The following BTN3A1 variants were observed in gnomAD, a reference collection of about 807,000 sequenced individuals.
BTN3A1 encodes the protein butyrophilin subfamily 3 member A1.
In BTN3A1, 24 loss-of-function variants were observed where a neutral mutation model predicts 43.0. The ratio of observed to expected loss-of-function variants is 0.56; its 90% CI spans 0.40 to 0.78. The LOEUF is 0.78. BTN3A1 is among the 30% of genes least tolerant of loss of function. The pLI is 0.00. For synonymous variants in BTN3A1, 181 were observed against 234.7 expected, an observed-to-expected ratio of 0.77 and a Z score of 2.09; for missense variants, 533 against 626.2, an observed-to-expected ratio of 0.85 and a Z score of 1.59.
Position 26,413,581 on chromosome 6 carries a change from G to A in BTN3A1, c.1431G>A (p.Val477=). ...GAGATATCTCATTCTACAATGCTGT[G>A]GATGGATCGCATATTCATACTTTCC... ...ETGDISFYNA[V]DGSHIHTFLD... Residue 477 remains valine (V), a synonymous_variant, in exon 10 of 10, where the codon GTG becomes GTA. Coordinates refer to ENST00000289361, the MANE Select transcript of BTN3A1 (RefSeq NM_007048.6). 7 of 1,614,150 alleles carry A rather than the reference G, an allele frequency of 4.3e-6. No individual in the cohort carries two copies. The highest frequency in any genetic ancestry group is 5.9e-6 in the Non-Finnish European group (7 of 1,180,038).
rs187033952 is a variant in BTN3A1, at chr6:26,413,486, G to A, written c.1336G>A (p.Glu446Lys). The part of the protein sequence containing the change: ...TDGNKYRTLT[E>K]PRTNLKLPKP... ...TGGGAATAAGTATCGGACTCTAACT[G>A]AGCCCAGAACCAACCTGAAACTTCC... Residue 446 changes from glutamate (E) to lysine (K), a missense_variant, in exon 10 of 10, where the codon GAG (glutamate) becomes AAG (lysine). By Grantham distance (56) the Glu-to-Lys change is moderately conservative. This residue lies in a region of BTN3A1 where 415 missense variants were observed against 427.0 expected (regional missense o/e 0.97). Transcript: ENST00000289361. The A allele has an allele frequency of 1.5e-5, 25 of 1,614,102 alleles. No homozygotes were observed. The African/African-American group carries it at 2.9e-4, about 19-fold the overall frequency.
chr6:26,412,493 C>T, intron 9 of BTN3A1: 2 of 1,547,732 alleles, frequency 1.3e-6, no homozygotes, highest in Non-Finnish European at 1.7e-6. Flanking sequence ...GCCCAGAGGA[C>T]AGATTCCTGG....
At chr6:26,408,180 T>C (rs1301602408) in intron 4 of BTN3A1, among the ~76,000 whole-genome samples, 1 of 152,102 alleles carries the variant, frequency 6.6e-6, no homozygotes, top group Non-Finnish European at 1.5e-5. Flanking sequence ...TAACAGTAAT[T>C]GGAATTAGGG....
intron 3 of BTN3A1, 148 bp from the exon 4 acceptor site, chr6:26,407,523 G>T: frequency 4.0e-6 from 4 of 988,600 alleles, no homozygotes; most frequent in Non-Finnish European, 5.9e-6. Context: ...CATTCATGTA[G>T]CTTTCTCCTC....
intron 1 of BTN3A1, 83 bp from the exon 2 acceptor site, chr6:26,405,289 G>T (rs1427115284): frequency 3.9e-6 from 2 of 509,692 alleles, no homozygotes; most frequent in Non-Finnish European, 7.1e-6. Flanking sequence ...GAAGTCATAG[G>T]ATTCTGAATA....
At chr6:26,408,796 C>A (rs1386690844) in intron 4 of BTN3A1, among the ~76,000 whole-genome samples, 1 of 152,192 alleles carries the variant, frequency 6.6e-6, no homozygotes, top group Admixed American at 6.5e-5. Context: ...AGAGATAATT[C>A]TCTCTATAGT....
At chr6:26,409,361 A>C (rs1762126075) in intron 4 of BTN3A1, among the ~76,000 whole-genome samples, 172 bp from the exon 5 acceptor site, 1 of 152,204 alleles carries the variant, frequency 6.6e-6, no homozygotes, top group South Asian at 2.1e-4. Context: ...GTGGGGGTTT[A>C]TCAAAGTCTT....
chr6:26,408,996 CCTT>C (rs1388943115), intron 4 of BTN3A1, among the ~76,000 whole-genome samples: 3 of 152,066 alleles, frequency 2.0e-5, no homozygotes, highest in African/African-American at 7.2e-5. Flanking sequence ...TTAATTTAAT[CCTT>C]CTAACTTCAG....
Position 26,413,696 on chromosome 6 carries a change from G to C in BTN3A1, c.*4G>C. 1 of 1,611,720 alleles carries C rather than the reference G, an allele frequency of 6.2e-7. No homozygotes were observed. The highest frequency in any genetic ancestry group is 8.5e-7 in the Non-Finnish European group (1 of 1,179,424). Reference sequence around the variant, plus strand: ...CCTGACTATTTGTCCAGCGTGAAAAGAAGAAGAGAGTTCCTCCAATTCTGA... The same window carrying C: ...CCTGACTATTTGTCCAGCGTGAAAACAAGAAGAGAGTTCCTCCAATTCTGA... On this transcript the variant is annotated 3_prime_UTR_variant, in exon 10 of 10. Coordinates refer to ENST00000289361, the MANE Select transcript of BTN3A1 (RefSeq NM_007048.6).
At chr6:26,404,013 TGTG>T (rs1457118596) in intron 1 of BTN3A1, 3 of 152,130 alleles carry the variant, frequency 2.0e-5, no homozygotes, top group Non-Finnish European at 4.4e-5. Context: ...GAGCAAAAGA[TGTG>T]GTGAAATGCA....
chr6:26,409,717 A>G lies in BTN3A1; in HGVS notation c.900A>G (p.Gln300=). ...AAATGGCATGGAGCACAATGAAGCA[A>G]GAACAAAGCACAAGAGGTAGCTGAC... The part of the protein sequence containing the change: ...LREMAWSTMK[Q]EQSTRVKLLE... Residue 300 remains glutamine, a synonymous_variant, in exon 5 of 10, where the codon CAA becomes CAG. Coordinates refer to ENST00000289361, the MANE Select transcript of BTN3A1 (RefSeq NM_007048.6). 1.3e-6 allele frequency: 2 copies of G among 1,574,000 alleles called. No individual in the cohort carries two copies. Among genetic ancestry groups the G allele is most frequent in the Non-Finnish European group, 1.7e-6 (2 of 1,163,980 alleles).
In BTN3A1 at chr6:26,414,772, C is replaced by T. The variant is rs1277649761; in HGVS notation, c.*1080C>T. Reference sequence around the variant, plus strand: ...TGCGATCTCAGCTCCCTGCAACCTCCACCTCCTGGGTTCAAACAATTCTCC... The same window carrying T: ...TGCGATCTCAGCTCCCTGCAACCTCTACCTCCTGGGTTCAAACAATTCTCC... On this transcript the variant is annotated 3_prime_UTR_variant, in exon 10 of 10. Coordinates refer to ENST00000289361, the MANE Select transcript of BTN3A1 (RefSeq NM_007048.6). 1.3e-5 allele frequency: 2 copies of T among 151,916 alleles called. No homozygotes were observed. The highest frequency in any genetic ancestry group is 4.8e-5 in the African/African-American group (2 of 41,274). 9.4% of individuals were successfully genotyped at this position (151,916 alleles called of 1,614,324 possible).
In BTN3A1 at chr6:26,411,149, A is replaced by G; in HGVS notation, c.991+14A>G. 6.2e-7 allele frequency: 1 copy of G among 1,608,518 alleles called. No individual in the cohort carries two copies. Among genetic ancestry groups the G allele is most frequent in the Non-Finnish European group, 8.5e-7 (1 of 1,177,980 alleles). On this transcript the variant is annotated intron_variant, in intron 8 of 9. Coordinates refer to ENST00000289361, the MANE Select transcript of BTN3A1 (RefSeq NM_007048.6). ...CAGCCTATAATGGTGAGTGAACCTG[A>G]TGCTCTCTGAGTTTGCTGGGACACG... is the stretch of plus-strand genomic sequence containing the variant.
rs567959670 is a variant in BTN3A1, at chr6:26,403,928, G to A, written c.-192-1444G>A. 1.9e-4 allele frequency among the ~76,000 whole-genome samples: 29 copies of A among 152,268 alleles called. 1 individual carries two copies. The South Asian group carries it at 5.8e-3, about 30-fold the overall frequency. ...CTTATGTCTCATTCTAAGGACAGCA[G>A]AGAAATTGTTAACTCAGGGAAAATG... is the stretch of plus-strand genomic sequence containing the variant. On this transcript the variant is annotated intron_variant, in intron 1 of 9. Coordinates refer to ENST00000289361, the MANE Select transcript of BTN3A1 (RefSeq NM_007048.6).
Position 26,407,772 on chromosome 6 carries a change from T to C in BTN3A1, c.535T>C (p.Trp179Arg). The change falls in exon 4 of 10, where the codon TGG becomes CGG. Residue 179 changes from tryptophan to arginine, a missense_variant. Around this residue, in one of 4 missense-constraint regions of BTN3A1, gnomAD observed 415 missense variants for 427.0 expected, o/e 0.97. Transcript: ENST00000289361. ...CTGGTACCCCCAACCCCAAATACAGTGGAGCAACAACAAGGGAGAGAACAT... is the reference window on the plus strand; with the variant it reads ...CTGGTACCCCCAACCCCAAATACAGCGGAGCAACAACAAGGGAGAGAACAT... The part of the protein sequence containing the change: ...TGWYPQPQIQ[W>R]SNNKGENIPT... The C allele has an allele frequency of 6.2e-7, 1 of 1,614,104 alleles. No individual in the cohort carries two copies. The highest frequency in any genetic ancestry group is 8.5e-7 in the Non-Finnish European group (1 of 1,180,016).
At chr6:26,411,025 A>AAAATT in intron 7 of BTN3A1, 84 bp from the exon 8 acceptor site, 1 of 796,990 alleles carries the variant, frequency 1.3e-6, no homozygotes. Flanking sequence ...AAAAAAAAAG[A>AAAATT]TTAGATGGAT....
intron 1 of BTN3A1, chr6:26,404,038 G>A (rs2113782382): frequency 6.6e-6 from 1 of 152,302 alleles, no homozygotes; most frequent in South Asian, 2.1e-4. Context: ...TGTTTACTCT[G>A]GGTGGGTGCA....
In BTN3A1 at chr6:26,414,140, AC is replaced by A. The variant is rs1398270554; in HGVS notation, c.*451del. On this transcript the variant is annotated 3_prime_UTR_variant, in exon 10 of 10. Transcript: ENST00000289361. ...ATGTCACTCCTTTAATCCTCGCAAC[AC>A]CCTGTCGGGTAGTCTCATTTAGCAA... 1 of 208,298 alleles carries A rather than the reference AC, an allele frequency of 4.8e-6. No individual in the cohort carries two copies. The highest frequency in any genetic ancestry group is 9.8e-6 in the Non-Finnish European group (1 of 101,956). 12.9% of individuals were successfully genotyped at this position (208,298 alleles called of 1,614,324 possible).
intron 1 of BTN3A1, among the ~76,000 whole-genome samples, chr6:26,403,814 A>G (rs1415723621): frequency 1.3e-5 from 2 of 152,090 alleles, no homozygotes; most frequent in African/African-American, 2.4e-5. Flanking sequence ...ATGAACCACT[A>G]CTTAAACTTG....
Sources: allele counts gnomAD v4.1 joint callset (sites outside exome capture counted in the v4.1 genomes callset), GRCh38; gene constraint gnomAD v4.1.1; regional missense constraint gnomAD v4.1.1; transcripts MANE v1.5; gene names NCBI Gene and HGNC (gene_info 2026-07-23, HGNC 2026-07-21).